The following WDR25 variants were observed in gnomAD, a reference collection of about 807,000 sequenced individuals.
WDR25 encodes the protein WD repeat-containing protein 25.
A neutral mutation model predicts 47.7 loss-of-function variants in WDR25; 35 were observed. That is an observed-to-expected ratio of 0.73 (90% CI 0.56 to 0.97). The LOEUF is 0.97. Ranked by LOEUF, WDR25 falls within the 50% of genes least tolerant of loss-of-function variation. WDR25 has a pLI of 0.00. For missense variants in WDR25, 634 were observed against 704.7 expected (o/e 0.90, Z 1.14); for synonymous variants, 248 against 278.9 (o/e 0.89, Z 1.10).
In WDR25 at chr14:100,518,061, G is replaced by A. The variant is rs551795773; in HGVS notation, c.1102-7809G>A. On this transcript the variant is annotated intron_variant, in intron 4 of 6. Coordinates refer to ENST00000402312, the MANE Select transcript of WDR25 (RefSeq NM_001161476.3). ...TTTTATATCTACCTAATCATTTACC[G>A]TTTTTTGCTGCTGTTCCTTCATCCC... is the stretch of plus-strand genomic sequence containing the variant. Among the ~76,000 whole-genome samples, 27 of 152,022 alleles carry A rather than the reference G, an allele frequency of 1.8e-4. No individual in the cohort carries two copies. The East Asian group carries it at 1.9e-3, about 11-fold the overall frequency.
chr14:100,416,594 CT>C (rs1045767217), intron 2 of WDR25, among the ~76,000 whole-genome samples: 1 of 152,172 alleles, frequency 6.6e-6, no homozygotes, highest in African/African-American at 2.4e-5. Context: ...CCTTATCCCC[CT>C]GGACTTGGCT....
At chr14:100,501,172 CCT>C (rs1330225281) in intron 4 of WDR25, among the ~76,000 whole-genome samples, 7 of 152,176 alleles carry the variant, frequency 4.6e-5, no homozygotes, top group African/African-American at 1.7e-4. Context: ...GGGCACTTCA[CCT>C]GTCTGACCTC....
chr14:100,415,326 A>T (rs1469056146), intron 2 of WDR25, among the ~76,000 whole-genome samples: 1 of 152,170 alleles, frequency 6.6e-6, no homozygotes, highest in East Asian at 1.9e-4. Flanking sequence ...AATGGCTCAG[A>T]TGGGCAATAG....
intron 1 of WDR25, chr14:100,376,781 A>G: frequency 8.2e-7 from 1 of 1,214,814 alleles, no homozygotes; most frequent in Middle Eastern, 3.2e-4. Flanking sequence ...TTCCACCCAC[A>G]CCAGACCCAG....
Position 100,422,676 on chromosome 14 carries a change from G to T in WDR25, c.822+40930G>T, listed in dbSNP as rs907118842. Among the ~76,000 whole-genome samples the T allele has an allele frequency of 3.3e-5, 5 of 152,158 alleles. 1 individual carries two copies. The highest frequency in any genetic ancestry group is 5.9e-5 in the Non-Finnish European group (4 of 68,036). On this transcript the variant is annotated intron_variant, in intron 2 of 6. Coordinates refer to ENST00000402312, the MANE Select transcript of WDR25 (RefSeq NM_001161476.3). ...CCTCCTGAGTATTTGTTCCGTGGAC[G>T]CCCACCAGCGTACTGAGCGTTCCCA...
At chr14:100,507,119 A>G (rs1211211181) in intron 4 of WDR25, among the ~76,000 whole-genome samples, 3 of 152,158 alleles carry the variant, frequency 2.0e-5, no homozygotes, top group Non-Finnish European at 2.9e-5. Flanking sequence ...ATTTTTTTGT[A>G]TATGGCTAGC....
Position 100,440,033 on chromosome 14 carries a change from A to G in WDR25, c.823-27988A>G, listed in dbSNP as rs1898621407. ...AGGAAAGGATCCATTGTTAAGAAAC[A>G]AACATGGGAAACTGTCATGTGAGCG... is the stretch of plus-strand genomic sequence containing the variant. On this transcript the variant is annotated intron_variant, in intron 2 of 6. Coordinates refer to ENST00000402312, the MANE Select transcript of WDR25 (RefSeq NM_001161476.3). The surrounding 1 kb of genome is among the most constrained non-coding windows in gnomAD (Gnocchi z 4.4). 6.6e-6 allele frequency among the ~76,000 whole-genome samples: 1 copy of G among 152,214 alleles called. No homozygotes were observed. The highest frequency in any genetic ancestry group is 1.5e-5 in the Non-Finnish European group (1 of 68,036).
chr14:100,510,797 C>G (rs971625112), intron 4 of WDR25, among the ~76,000 whole-genome samples: 1 of 141,628 alleles, frequency 7.1e-6, no homozygotes, highest in Non-Finnish European at 1.5e-5. Context: ...GAGACAGGGT[C>G]TCGCCATGTT....
intron 4 of WDR25, 55 bp downstream of exon 4, chr14:100,484,179 T>C (rs1439634915): frequency 6.4e-7 from 1 of 1,565,926 alleles, no homozygotes; most frequent in Non-Finnish European, 8.6e-7. Flanking sequence ...TTTCGACAAT[T>C]TGAATAATTG....
chr14:100,526,120 G>A, intron 5 of WDR25, 80 bp downstream of exon 5: 1 of 1,511,538 alleles, frequency 6.6e-7, no homozygotes, highest in Non-Finnish European at 8.9e-7. Flanking sequence ...TGAGGTCCCA[G>A]GTCCCTTCTG....
chr14:100,454,353 T>C, intron 2 of WDR25: 1 of 1,285,266 alleles, frequency 7.8e-7, no homozygotes, highest in Non-Finnish European at 1.0e-6. Flanking sequence ...TAATGGAGTA[T>C]GTGTATGGCA....
chr14:100,406,079 G>C (rs957440598), intron 2 of WDR25, among the ~76,000 whole-genome samples: 26 of 152,276 alleles, frequency 1.7e-4, no homozygotes, highest in African/African-American at 5.5e-4. Flanking sequence ...AGAGGTACAG[G>C]CTCCCCAAGG....
At chr14:100,423,603 T>C (rs1898086004) in intron 2 of WDR25, among the ~76,000 whole-genome samples, 1 of 152,222 alleles carries the variant, frequency 6.6e-6, no homozygotes, top group Non-Finnish European at 1.5e-5. Context: ...AAAATAGCCA[T>C]GTCAGATCAA....
chr14:100,468,736 T>C lies in WDR25; in HGVS notation c.970+568T>C, dbSNP rs577409254. ...GAACTTTCCTTACTCAGCGCTCCTG[T>C]GCAACAGGCACTGTCAATACCCACC... On this transcript the variant is annotated intron_variant, in intron 3 of 6. Coordinates refer to ENST00000402312, the MANE Select transcript of WDR25 (RefSeq NM_001161476.3). This position sits in a 1 kb window ranked among gnomAD's most constrained non-coding sequence, Gnocchi z 4.5. Among the ~76,000 whole-genome samples, 4 of 152,032 alleles carry C rather than the reference T, an allele frequency of 2.6e-5. No individual in the cohort carries two copies. Among genetic ancestry groups the C allele is most frequent in the Admixed American group, 6.5e-5 (1 of 15,268 alleles).
In WDR25 at chr14:100,449,868, C is replaced by T. The variant is rs1898965125; in HGVS notation, c.823-18153C>T. ...GTGATCAGAAGGGGGCTGTCTCCTGCTGTTACGCCATGTGCCACGACACCC... is the reference window on the plus strand; with the variant it reads ...GTGATCAGAAGGGGGCTGTCTCCTGTTGTTACGCCATGTGCCACGACACCC... On this transcript the variant is annotated intron_variant, in intron 2 of 6. Coordinates refer to ENST00000402312, the MANE Select transcript of WDR25 (RefSeq NM_001161476.3). This position sits in a 1 kb window ranked among gnomAD's most constrained non-coding sequence, Gnocchi z 4.2. Among the ~76,000 whole-genome samples, 1 of 152,188 alleles carries T rather than the reference C, an allele frequency of 6.6e-6. No individual in the cohort carries two copies. The highest frequency in any genetic ancestry group is 1.5e-5 in the Non-Finnish European group (1 of 68,040).
intron 4 of WDR25, among the ~76,000 whole-genome samples, chr14:100,490,396 G>A (rs1900524291): frequency 1.3e-5 from 2 of 152,210 alleles, no homozygotes; most frequent in Non-Finnish European, 2.9e-5. Flanking sequence ...TTGAACGGAG[G>A]CTGAGCCACT....
intron 3 of WDR25, among the ~76,000 whole-genome samples, chr14:100,474,470 CGTGT>C (rs932970233): frequency 6.6e-6 from 1 of 152,098 alleles, no homozygotes; most frequent in African/African-American, 2.4e-5. Flanking sequence ...TGATGTCTGG[CGTGT>C]GTGTGTTTGG....
rs1417789335 is a variant in WDR25 at position 100,525,896 on chromosome 14, C to T, written c.1128C>T (p.Ile376=). ...TGATGAGAAGCTACAAGGCGACCAT[C>T]CAGCAGACCTTGGACATCCTGTTCC... ...GKVMRSYKAT[I]QQTLDILFLR... Residue 376 remains isoleucine (I), a synonymous_variant, in exon 5 of 7, where the codon ATC becomes ATT. Coordinates refer to ENST00000402312, the MANE Select transcript of WDR25 (RefSeq NM_001161476.3). This position sits in a 1 kb window ranked among gnomAD's most constrained non-coding sequence, Gnocchi z 4.6. The T allele has an allele frequency of 6.2e-7, 1 of 1,613,942 alleles. No homozygotes were observed. Among genetic ancestry groups the T allele is most frequent in the Middle Eastern group, 1.7e-4 (1 of 6,056 alleles).
rs1016163708 is a variant in WDR25, at chr14:100,481,866, G to A, written c.971-2128G>A. On this transcript the variant is annotated intron_variant, in intron 3 of 6. Transcript: ENST00000402312. ...CTCTTCAGTTGTGAGCTGGTGGGAC[G>A]TCTGTAACAGCTGATCAGCATGTGA... 3.3e-5 allele frequency among the ~76,000 whole-genome samples: 5 copies of A among 152,016 alleles called. No homozygotes were observed. The East Asian group carries it at 5.8e-4, about 18-fold the overall frequency.
Sources: allele counts gnomAD v4.1 joint callset (sites outside exome capture counted in the v4.1 genomes callset), GRCh38; gene constraint gnomAD v4.1.1; non-coding constraint Gnocchi (gnomAD v3.1); transcripts MANE v1.5; gene names NCBI Gene and HGNC (gene_info 2026-07-23, HGNC 2026-07-21).